The following OMA1 variants were observed in gnomAD, a reference collection of about 807,000 sequenced individuals.
OMA1 encodes the protein metalloendopeptidase OMA1, mitochondrial.
In OMA1, 38 loss-of-function variants were observed where a neutral mutation model predicts 30.9. The ratio of observed to expected loss-of-function variants is 1.23; its 90% CI spans 0.95 to 1.61. OMA1 has a LOEUF of 1.61. Among genes scored for constraint, OMA1 ranks in the 40% most tolerant of loss-of-function variants. The pLI is 0.00. For missense variants in OMA1, 461 were observed against 349.2 expected (o/e 1.32, Z -2.55); for synonymous variants, 173 against 121.9 (o/e 1.42, Z -2.76).
At chr1:58,482,208 AAG>A (rs1645499001) in intron 8 of OMA1, among the ~76,000 whole-genome samples, 1 of 152,230 alleles carries the variant, frequency 6.6e-6, no homozygotes, top group South Asian at 2.1e-4. Flanking sequence ...TGACACTGGA[AAG>A]AGAGGGCTTA....
At chr1:58,489,301 C>T (rs1033128282) in intron 8 of OMA1, among the ~76,000 whole-genome samples, 14 of 152,214 alleles carry the variant, frequency 9.2e-5, no homozygotes, top group African/African-American at 2.9e-4. Context: ...TTATATCCCA[C>T]GCCTGGCTCA....
At chr1:58,493,632 CAGAG>C (rs1195135240) in intron 8 of OMA1, among the ~76,000 whole-genome samples, 1 of 151,486 alleles carries the variant, frequency 6.6e-6, no homozygotes, top group Non-Finnish European at 1.5e-5. Context: ...AACAGACAAA[CAGAG>C]AGCCAAATCA....
At chr1:58,511,253 T>C (rs1331672141) in intron 7 of OMA1, among the ~76,000 whole-genome samples, 1 of 152,004 alleles carries the variant, frequency 6.6e-6, no homozygotes, top group Non-Finnish European at 1.5e-5. Flanking sequence ...ATTAAAACAG[T>C]ATAGTATTAG....
At chr1:58,541,614 C>CAAAAAAAAAAAAAAAACAAAAA (rs1646617474) in intron 1 of OMA1, 1 of 65,622 alleles carries the variant, frequency 1.5e-5, no homozygotes, top group Non-Finnish European at 2.7e-5. Flanking sequence ...GAGAACCTGT[C>CAAAAAAAAAAAAAAAACAAAAA]AAAAAAAAAA....
rs1404645553 is a variant in OMA1 at position 58,533,975 on chromosome 1, G to T, written c.989C>A (p.Ala330Glu). ...TACAGCATGCCCAAGTACTGCATGT[G>T]CTATTTCATGGCCCAGAAGGAAAGA... ...QLSFLLGHEI[A>E]HAVLGHAAEK... The change falls in exon 5 of 9, where the codon GCA (alanine) becomes GAA (glutamate). Residue 330 changes from alanine to glutamate, a missense_variant. Ala to Glu is a moderately radical substitution (Grantham distance 107). Transcript: ENST00000371226. 1.1e-6 allele frequency: 1 copy of T among 872,088 alleles called. No homozygotes were observed. Among genetic ancestry groups the T allele is most frequent in the South Asian group, 1.3e-5 (1 of 76,246 alleles). 54.0% of individuals were successfully genotyped at this position (872,088 alleles called of 1,614,324 possible). A position where few individuals can be genotyped will look rare whatever the true frequency, so the allele number is the denominator to read the frequency against.
At chr1:58,489,649 G>A (rs1569875629) in intron 8 of OMA1, among the ~76,000 whole-genome samples, 1 of 152,206 alleles carries the variant, frequency 6.6e-6, no homozygotes, top group African/African-American at 2.4e-5. Flanking sequence ...GCCTCCTCAA[G>A]TGGGTCCCTG....
At chr1:58,514,514 C>T (rs1279309915) in intron 7 of OMA1, among the ~76,000 whole-genome samples, 2 of 152,134 alleles carry the variant, frequency 1.3e-5, no homozygotes, top group South Asian at 2.1e-4. Context: ...CCATCACCCC[C>T]TTCCAAAGGT....
chr1:58,546,073 T>C (rs1043666873), intron 1 of OMA1, among the ~76,000 whole-genome samples: 1 of 152,194 alleles, frequency 6.6e-6, no homozygotes, highest in East Asian at 1.9e-4. Context: ...AATAAAACTG[T>C]TGCTCCACAC....
At chr1:58,545,465 C>A (rs12125391) in intron 1 of OMA1, among the ~76,000 whole-genome samples, 98,762 of 151,942 alleles carry the variant, frequency 0.65, 34,180 homozygotes, top group East Asian at 0.94. Context: ...GAAATCTATT[C>A]ATGCATTTTC....
chr1:58,493,048 C>T (rs1645727724), intron 8 of OMA1, among the ~76,000 whole-genome samples: 1 of 152,202 alleles, frequency 6.6e-6, no homozygotes, highest in East Asian at 1.9e-4. Context: ...TCCAGCAGCA[C>T]ATCGAAAAGC....
chr1:58,505,572 C>T (rs898813969), intron 8 of OMA1, among the ~76,000 whole-genome samples: 2 of 152,006 alleles, frequency 1.3e-5, no homozygotes, highest in African/African-American at 4.8e-5. Flanking sequence ...CTCTTATCTT[C>T]ATAAAGAAAT....
Position 58,539,262 on chromosome 1 carries a change from A to G in OMA1, c.33T>C (p.Ala11=), listed in dbSNP as rs754307317. Residue 11 remains alanine, a synonymous_variant, in exon 2 of 9, where the codon GCT becomes GCC. Coordinates refer to ENST00000371226, the MANE Select transcript of OMA1 (RefSeq NM_145243.5). MSFICGLQSA[A]RNHVFFRFNS... is the part of the protein sequence containing the mutation. ...TAAATCGGAAGAAAACATGGTTTCT[A>G]GCAGCAGACTGCAATCCACAGATGA... 9.2e-6 allele frequency: 8 copies of G among 866,784 alleles called. No individual in the cohort carries two copies. The Admixed American group carries it at 1.4e-4, about 15-fold the overall frequency. 53.7% of individuals were successfully genotyped at this position (866,784 alleles called of 1,614,324 possible).
chr1:58,484,081 C>T (rs569673091), intron 8 of OMA1, among the ~76,000 whole-genome samples: 230 of 152,270 alleles, frequency 1.5e-3, no homozygotes, highest in African/African-American at 5.1e-3. Flanking sequence ...TCCTTAAATT[C>T]GCTTATTCAG....
intron 5 of OMA1, among the ~76,000 whole-genome samples, chr1:58,531,759 G>T (rs1646438054): frequency 1.3e-5 from 2 of 151,850 alleles, no homozygotes; most frequent in South Asian, 4.2e-4. Flanking sequence ...GCCCAAGCTG[G>T]AGTGCAGTGG....
At chr1:58,493,287 A>G (rs1364028603) in intron 8 of OMA1, among the ~76,000 whole-genome samples, 2 of 152,246 alleles carry the variant, frequency 1.3e-5, no homozygotes, top group Admixed American at 1.3e-4. Flanking sequence ...AGAGCTATTT[A>G]TGACAAACTC....
chr1:58,543,742 T>C (rs968876223), intron 1 of OMA1, among the ~76,000 whole-genome samples: 2 of 152,170 alleles, frequency 1.3e-5, no homozygotes, highest in Admixed American at 6.5e-5. Flanking sequence ...CAAAGGGATA[T>C]ACAAATTTAA....
At chr1:58,539,933 GCA>G (rs1298864780) in intron 1 of OMA1, among the ~76,000 whole-genome samples, 1 of 152,144 alleles carries the variant, frequency 6.6e-6, no homozygotes, top group Admixed American at 6.5e-5. Context: ...GACAAGAGCT[GCA>G]CAGAGAAATA....
chr1:58,532,684 T>G (rs79561508), intron 5 of OMA1, among the ~76,000 whole-genome samples: 2 of 151,894 alleles, frequency 1.3e-5, no homozygotes, highest in Non-Finnish European at 2.9e-5. Flanking sequence ...TGAGCCACCA[T>G]GCTCAGCTAA....
chr1:58,499,448 G>A (rs1021443590), intron 8 of OMA1, among the ~76,000 whole-genome samples: 1 of 137,742 alleles, frequency 7.3e-6, no homozygotes, highest in African/African-American at 2.8e-5. Context: ...TTCCACCACT[G>A]CACTCCAGCC....
Sources: allele counts gnomAD v4.1 joint callset (sites outside exome capture counted in the v4.1 genomes callset), GRCh38; gene constraint gnomAD v4.1.1; transcripts MANE v1.5; gene names NCBI Gene and HGNC (gene_info 2026-07-23, HGNC 2026-07-21).